The following SHISAL2A variants were observed in gnomAD, a reference collection of about 807,000 sequenced individuals.
SHISAL2A encodes shisa like 2A.
A neutral mutation model predicts 11.5 loss-of-function variants in SHISAL2A; 18 were observed. The ratio of observed to expected loss-of-function variants is 1.57; its 90% CI spans 1.08 to 2.33. SHISAL2A has a LOEUF of 2.33. SHISAL2A is among the 30% of genes most tolerant of loss of function. The pLI is 0.00. For synonymous variants in SHISAL2A, 94 were observed against 99.6 expected (o/e 0.94, Z 0.34); for missense variants, 261 against 250.9 (o/e 1.04, Z -0.27).
chr1:52,655,003 C>T (rs1049489948), intron 2 of SHISAL2A, among the ~76,000 whole-genome samples: 2 of 151,664 alleles, frequency 1.3e-5, no homozygotes, highest in Non-Finnish European at 2.9e-5. Flanking sequence ...GCTGACATGG[C>T]GAAACCCCGT....
chr1:52,650,319 G>A (rs116552342), intron 2 of SHISAL2A, among the ~76,000 whole-genome samples: 55 of 152,310 alleles, frequency 3.6e-4, no homozygotes, highest in African/African-American at 1.2e-3. Flanking sequence ...GACTGGCCAC[G>A]GAGGTCCTTG....
intron 2 of SHISAL2A, among the ~76,000 whole-genome samples, chr1:52,643,749 A>T (rs1448259485): frequency 6.6e-6 from 1 of 152,186 alleles, no homozygotes; most frequent in African/African-American, 2.4e-5. Context: ...GCTACTCAGG[A>T]GGCTGAGGCA....
intron 4 of SHISAL2A, among the ~76,000 whole-genome samples, chr1:52,665,596 G>C (rs1336805964): frequency 6.6e-6 from 1 of 152,038 alleles, no homozygotes; most frequent in Non-Finnish European, 1.5e-5. Context: ...CCATTAAGTC[G>C]AATTAAGCCA....
Position 52,642,959 on chromosome 1 carries a change from G to A in SHISAL2A, c.279G>A (p.Lys93=), listed in dbSNP as rs1024151822. 1 of 1,613,996 alleles carries A rather than the reference G, an allele frequency of 6.2e-7. No homozygotes were observed. Among genetic ancestry groups the A allele is most frequent in the African/African-American group, 1.3e-5 (1 of 74,890 alleles). The change falls in exon 2 of 3, where the codon AAG becomes AAA. Residue 93 remains lysine (K), a synonymous_variant. Coordinates refer to ENST00000517870, the MANE Select transcript of SHISAL2A (RefSeq NM_001042693.3). ...TCTGCTACCTGTTCATCAGCTCTAA[G>A]CCCCACACAAAGTTGGACCTGGGCT... ...CVLCYLFISS[K]PHTKLDLGLS... is the part of the protein sequence containing the mutation.
intron 2 of SHISAL2A, among the ~76,000 whole-genome samples, chr1:52,654,072 C>T (rs1252769178): frequency 6.6e-6 from 1 of 151,966 alleles, no homozygotes; most frequent in Non-Finnish European, 1.5e-5. Context: ...ATCACCACAC[C>T]CTGTTAATTT....
chr1:52,660,114 T>C (rs1691874270), downstream of SHISAL2A, among the ~76,000 whole-genome samples: 1 of 152,178 alleles, frequency 6.6e-6, no homozygotes, highest in Non-Finnish European at 1.5e-5. Context: ...CTGATGATGC[T>C]GGTCTGAGAC....
intron 1 of SHISAL2A, among the ~76,000 whole-genome samples, chr1:52,638,103 C>T (rs1355601128): frequency 6.6e-6 from 1 of 152,142 alleles, no homozygotes; most frequent in Non-Finnish European, 1.5e-5. Context: ...CCCTGTTGTT[C>T]CCAACTCTGT....
chr1:52,633,662 A>G lies in SHISAL2A; in HGVS notation c.169A>G (p.Met57Val). 4.3e-6 allele frequency: 7 copies of G among 1,611,752 alleles called. No homozygotes were observed. The highest frequency in any genetic ancestry group is 5.1e-6 in the Non-Finnish European group (6 of 1,178,876). The change falls in exon 1 of 3, where the codon ATG becomes GTG. Residue 57 changes from methionine (M) to valine (V), a missense_variant. Met to Val is a conservative substitution (Grantham distance 21). Transcript: ENST00000517870. The surrounding 1 kb of genome is among the most constrained non-coding windows in gnomAD (Gnocchi z 6.4). The part of the protein sequence containing the change: ...HSFFPYEHSY[M>V]WWLSIGALIG... ...CTTCTTCCCCTACGAGCACAGCTAC[A>G]TGTGGTGGCTCAGGTACCGTCCCTG...
downstream of SHISAL2A, among the ~76,000 whole-genome samples, chr1:52,659,766 G>A (rs1375417546): frequency 1.3e-5 from 2 of 152,210 alleles, no homozygotes; most frequent in African/African-American, 4.8e-5. Context: ...ACCCTTCACA[G>A]GACGAATTCC....
intron 1 of SHISAL2A, among the ~76,000 whole-genome samples, chr1:52,636,551 G>T (rs1471637311): frequency 1.3e-5 from 2 of 152,230 alleles, no homozygotes; most frequent in African/African-American, 4.8e-5. Context: ...TGCTCAATAA[G>T]AGAGTTCCCT....
intron 2 of SHISAL2A, among the ~76,000 whole-genome samples, chr1:52,652,501 T>C (rs527643663): frequency 1.3e-5 from 2 of 152,244 alleles, no homozygotes; most frequent in African/African-American, 4.8e-5. Context: ...CCTCTATCCA[T>C]GGAAGGTAAT....
intron 2 of SHISAL2A, 29 bp from the exon 3 acceptor site, chr1:52,656,761 C>T: frequency 6.4e-7 from 1 of 1,574,618 alleles, no homozygotes; most frequent in East Asian, 2.2e-5. Context: ...AAGAAGAGAG[C>T]CACACACCCT....
At chr1:52,645,165 CAAT>C (rs1691470439) in intron 2 of SHISAL2A, among the ~76,000 whole-genome samples, 1 of 152,066 alleles carries the variant, frequency 6.6e-6, no homozygotes, top group Admixed American at 6.6e-5. Flanking sequence ...TCCAAGTTAA[CAAT>C]AAAAATACAA....
At chr1:52,649,906 A>T (rs1202299148) in intron 2 of SHISAL2A, among the ~76,000 whole-genome samples, 1 of 152,148 alleles carries the variant, frequency 6.6e-6, no homozygotes, top group African/African-American at 2.4e-5. Context: ...ATCAACTAGA[A>T]CTCAAAAGCT....
intron 2 of SHISAL2A, among the ~76,000 whole-genome samples, chr1:52,656,116 A>G (rs771449689): frequency 9.2e-5 from 14 of 152,142 alleles, no homozygotes; most frequent in Non-Finnish European, 1.5e-4. Context: ...GCTCCTGATT[A>G]AAAAAAGAAA....
chr1:52,659,078 A>AT (rs1164215734), downstream of SHISAL2A, among the ~76,000 whole-genome samples: 67 of 145,372 alleles, frequency 4.6e-4, 1 homozygote, highest in African/African-American at 1.3e-3. Context: ...TTATTTCAGC[A>AT]TTTTTTTTTT....
In SHISAL2A at chr1:52,633,518, G is replaced by T. The variant is rs1220633073; in HGVS notation, c.25G>T (p.Val9Leu). The change falls in exon 1 of 3, where the codon GTG becomes TTG. Residue 9 changes from valine to leucine, a missense_variant. Transcript: ENST00000517870. The surrounding 1 kb of genome is among the most constrained non-coding windows in gnomAD (Gnocchi z 6.4). Reference protein sequence around the residue: MSGACTSYVSAEQEVVRGF... With the variant: MSGACTSYLSAEQEVVRGF... ...GATGAGCGGCGCCTGCACGAGCTAC[G>T]TGAGCGCAGAGCAGGAGGTGGTGCG... 6.3e-7 allele frequency: 1 copy of T among 1,577,998 alleles called. No individual in the cohort carries two copies.
Position 52,642,935 on chromosome 1 carries a change from C to T in SHISAL2A, c.255C>T (p.Leu85=). ...CCTTCATTGTTACCGCCTGTGTGCT[C>T]TGCTACCTGTTCATCAGCTCTAAGC... ...LLAFIVTACV[L]CYLFISSKPH... Residue 85 remains leucine, a synonymous_variant, in exon 2 of 3, where the codon CTC becomes CTT. Coordinates refer to ENST00000517870, the MANE Select transcript of SHISAL2A (RefSeq NM_001042693.3). 6.2e-7 allele frequency: 1 copy of T among 1,614,156 alleles called. No individual in the cohort carries two copies. The highest frequency in any genetic ancestry group is 1.1e-5 in the South Asian group (1 of 91,090).
At chr1:52,651,954 A>G (rs1482307696) in intron 2 of SHISAL2A, among the ~76,000 whole-genome samples, 1 of 152,208 alleles carries the variant, frequency 6.6e-6, no homozygotes, top group African/African-American at 2.4e-5. Context: ...TTTGGCACAA[A>G]GTAGCACAAT....
Sources: allele counts gnomAD v4.1 joint callset (sites outside exome capture counted in the v4.1 genomes callset), GRCh38; gene constraint gnomAD v4.1.1; non-coding constraint Gnocchi (gnomAD v3.1); transcripts MANE v1.5; gene names NCBI Gene and HGNC (gene_info 2026-07-23, HGNC 2026-07-21).